The following ADGRF1 variants were observed in gnomAD, a reference collection of about 807,000 sequenced individuals.
ADGRF1 encodes adhesion G protein-coupled receptor F1.
Under a neutral mutation model 87.2 loss-of-function variants are expected in ADGRF1, and 85 were observed. The observed-to-expected ratio is 0.97, with a 90% CI of 0.82 to 1.17. The LOEUF (loss-of-function observed/expected upper bound fraction) is 1.17, where lower values mean the gene tolerates loss of function less well. Among genes scored for constraint, ADGRF1 ranks in the 50% most tolerant of loss-of-function variants. ADGRF1 has a pLI of 0.00. For missense variants in ADGRF1, 1,169 were observed against 1,077.2 expected, an observed-to-expected ratio of 1.09 and a Z score of -1.19; for synonymous variants, 430 against 408.8, an observed-to-expected ratio of 1.05 and a Z score of -0.63.
intron 7 of ADGRF1, chr6:47,020,444 C>T: frequency 1.7e-6 from 2 of 1,146,118 alleles, no homozygotes; most frequent in Non-Finnish European, 2.5e-6. Context: ...TGCAGGGTTG[C>T]AGTGAGCCTA....
chr6:47,004,832 C>G (rs1199011151), intron 13 of ADGRF1, among the ~76,000 whole-genome samples: 2 of 152,144 alleles, frequency 1.3e-5, no homozygotes, highest in African/African-American at 4.8e-5. Context: ...GACGAAGTGA[C>G]TTTCCTAAGA....
intron 11 of ADGRF1, 29 bp from the exon 12 acceptor site, chr6:47,007,323 T>C: frequency 7.4e-7 from 1 of 1,356,738 alleles, no homozygotes; most frequent in Non-Finnish European, 1.0e-6. Context: ...AAATCACATG[T>C]ATTGTATTTT....
chr6:47,015,398 G>T (rs1229767066), intron 8 of ADGRF1, among the ~76,000 whole-genome samples: 1 of 150,622 alleles, frequency 6.6e-6, no homozygotes, highest in Non-Finnish European at 1.5e-5. Flanking sequence ...TTAACTGGAA[G>T]ATCCACAAGG....
At chr6:47,012,570 T>C in intron 9 of ADGRF1, 2 of 756,256 alleles carry the variant, frequency 2.6e-6, no homozygotes, top group Non-Finnish European at 3.2e-6. Flanking sequence ...ATCTTAATTA[T>C]ACAGAAACTC....
At chr6:47,018,713 AC>A in intron 7 of ADGRF1, 2 of 507,990 alleles carry the variant, frequency 3.9e-6, no homozygotes, top group Non-Finnish European at 6.5e-6. Flanking sequence ...GGAGTTCAAG[AC>A]CAGACTGGTC....
intron 10 of ADGRF1, among the ~76,000 whole-genome samples, chr6:47,010,965 T>C (rs983057578): frequency 2.0e-5 from 3 of 151,550 alleles, no homozygotes; most frequent in African/African-American, 7.4e-5. Context: ...CTCTTGCTTA[T>C]GGGTCTGGCT....
At chr6:47,019,916 A>G (rs945655631) in intron 7 of ADGRF1, 56 of 985,354 alleles carry the variant, frequency 5.7e-5, no homozygotes, top group East Asian at 2.3e-4. Context: ...TATTTGCTGT[A>G]AACAATGACT....
chr6:47,002,142 T>A (rs1275868370), intron 13 of ADGRF1, among the ~76,000 whole-genome samples: 1 of 152,224 alleles, frequency 6.6e-6, no homozygotes, highest in Non-Finnish European at 1.5e-5. Context: ...CATTATATAT[T>A]TTTCTACTCA....
chr6:47,005,248 G>T (rs113936101), intron 13 of ADGRF1, among the ~76,000 whole-genome samples: 2 of 152,230 alleles, frequency 1.3e-5, no homozygotes, highest in African/African-American at 2.4e-5. Context: ...GGCAAAGAAT[G>T]ATACAGAAAT....
intron 5 of ADGRF1, among the ~76,000 whole-genome samples, chr6:47,023,133 A>G (rs925041802): frequency 6.6e-6 from 1 of 152,154 alleles, no homozygotes; most frequent in Non-Finnish European, 1.5e-5. Flanking sequence ...ATAGGCTTTC[A>G]TCAACATTCA....
intron 3 of ADGRF1, among the ~76,000 whole-genome samples, chr6:47,026,924 A>G (rs2065667542): frequency 6.6e-6 from 1 of 152,166 alleles, no homozygotes; most frequent in Non-Finnish European, 1.5e-5. Context: ...CCCTGCTCAC[A>G]TCGTCAGGGG....
At position 47,014,821 on chromosome 6, in the gene ADGRF1, CA is replaced by C; in HGVS notation, c.786del (p.Phe262LeufsTer46). The C allele has an allele frequency of 6.2e-7, 1 of 1,610,556 alleles. No individual in the cohort carries two copies. The highest frequency in any genetic ancestry group is 2.2e-5 in the East Asian group (1 of 44,772). On this transcript the variant is annotated frameshift_variant, in exon 9 of 15. Coordinates refer to ENST00000371253, the MANE Select transcript of ADGRF1 (RefSeq NM_153840.4). LOFTEE classifies it high-confidence loss of function. ...FGKAQCNDIV[F>X]GFGSKDDEYT... ...TATTCATCATCCTTGGACCCAAATC[CA>C]AAGACAATGTCATTACACTGGGCTG...
intron 1 of ADGRF1, among the ~76,000 whole-genome samples, chr6:47,033,850 G>A (rs1340019383): frequency 6.6e-6 from 1 of 152,226 alleles, no homozygotes; most frequent in Non-Finnish European, 1.5e-5. Context: ...AGACAGCTGA[G>A]AAAATAGGTG....
At chr6:47,006,727 T>G (rs1310068992) in intron 12 of ADGRF1, among the ~76,000 whole-genome samples, 1 of 152,184 alleles carries the variant, frequency 6.6e-6, no homozygotes, top group East Asian at 1.9e-4. Context: ...CATTTTTATG[T>G]CTTTGCATCC....
chr6:47,015,762 T>C (rs1779855191), intron 8 of ADGRF1, among the ~76,000 whole-genome samples: 1 of 151,656 alleles, frequency 6.6e-6, no homozygotes, highest in Non-Finnish European at 1.5e-5. Flanking sequence ...TAATTTTTTT[T>C]TTTTTTTGTA....
intron 1 of ADGRF1, among the ~76,000 whole-genome samples, chr6:47,032,726 A>G (rs1376697927): frequency 2.0e-5 from 3 of 152,222 alleles, no homozygotes; most frequent in African/African-American, 7.2e-5. Flanking sequence ...CAAGTAAGGT[A>G]CCCAGAGTGG....
intron 5 of ADGRF1, 151 bp downstream of exon 5, chr6:47,023,893 G>T (rs1780147550): frequency 6.3e-6 from 4 of 634,970 alleles, no homozygotes; most frequent in Non-Finnish European, 2.6e-6. Context: ...AGTTCTCACT[G>T]GGTCCAGACA....
intron 3 of ADGRF1, among the ~76,000 whole-genome samples, chr6:47,026,267 T>A (rs1375688874): frequency 6.6e-6 from 1 of 152,050 alleles, no homozygotes; most frequent in East Asian, 1.9e-4. Flanking sequence ...CTCCCCAGAA[T>A]CACTCTCCCA....
At chr6:47,018,097 G>C in intron 7 of ADGRF1, 1 of 222,660 alleles carries the variant, frequency 4.5e-6, no homozygotes, top group South Asian at 6.5e-5. Context: ...TTCCCAGTTT[G>C]GACACATGAC....
Sources: gnomAD v4.1 joint callset for allele counts (sites outside exome capture counted in the v4.1 genomes callset) on GRCh38, gnomAD v4.1.1 for gene constraint, MANE v1.5 for transcripts, NCBI Gene and HGNC (gene_info 2026-07-23, HGNC 2026-07-21) for gene names.